The following TAF6L variants were observed in gnomAD, a reference collection of about 807,000 sequenced individuals.
The protein encoded by TAF6L is TAF6-like RNA polymerase II p300/CBP-associated factor-associated factor 65 kDa subunit 6L.
In TAF6L, 34 loss-of-function variants were observed where a neutral mutation model predicts 57.3. That is an observed-to-expected ratio of 0.59 (90% CI 0.45 to 0.79). The LOEUF (loss-of-function observed/expected upper bound fraction) is 0.79. TAF6L is among the 30% of genes least tolerant of loss of function. The pLI is 0.00. For missense variants in TAF6L, 782 were observed against 853.2 expected (o/e 0.92, Z 1.04); for synonymous variants, 417 against 376.3 (o/e 1.11, Z -1.25).
chr11:62,783,310 A>G (rs573704797), intron 9 of TAF6L, among the ~76,000 whole-genome samples: 83 of 152,160 alleles, frequency 5.5e-4, no homozygotes, highest in African/African-American at 1.9e-3. Flanking sequence ...GTGAAACCCC[A>G]TCTCTACTAA....
rs1300765424 is a variant in TAF6L at position 62,775,836 on chromosome 11, G to A, written c.53G>A (p.Arg18Gln). ...GTGGAGATCCCTCGGGAGTCTGTCCGGCTCATGGCGGAGAGCACGGGCCTG... is the reference window on the plus strand; with the variant it reads ...GTGGAGATCCCTCGGGAGTCTGTCCAGCTCATGGCGGAGAGCACGGGCCTG... Reference protein sequence around the residue: ...RFVEIPRESVRLMAESTGLEL... With the variant: ...RFVEIPRESVQLMAESTGLEL... Residue 18 changes from arginine to glutamine, a missense_variant, in exon 2 of 11, where the codon CGG (arginine) becomes CAG (glutamine). Coordinates refer to ENST00000294168, the MANE Select transcript of TAF6L (RefSeq NM_006473.4). The A allele has an allele frequency of 3.1e-6, 5 of 1,613,222 alleles. No homozygotes were observed. The highest frequency in any genetic ancestry group is 4.2e-6 in the Non-Finnish European group (5 of 1,179,932).
intron 3 of TAF6L, 97 bp downstream of exon 3, chr11:62,776,567 G>A (rs2084189732): frequency 1.1e-5 from 14 of 1,254,026 alleles, no homozygotes; most frequent in Admixed American, 3.7e-5. Context: ...AAGACCAAAC[G>A]CTGCCGGGCA....
At chr11:62,776,095 G>T (rs553518735) in intron 2 of TAF6L, among the ~76,000 whole-genome samples, 165 bp downstream of exon 2, 8 of 152,212 alleles carry the variant, frequency 5.3e-5, no homozygotes, top group African/African-American at 1.9e-4. Flanking sequence ...TGGGCTTCCA[G>T]CAGACAAAGC....
intron 9 of TAF6L, among the ~76,000 whole-genome samples, chr11:62,785,789 C>A (rs2084269004): frequency 6.6e-6 from 1 of 152,054 alleles, no homozygotes; most frequent in South Asian, 2.1e-4. Context: ...CTGGCCTCGG[C>A]CTCCCAAAGT....
chr11:62,776,106 G>A (rs1312843705), intron 2 of TAF6L, among the ~76,000 whole-genome samples, 176 bp downstream of exon 2: 5 of 152,216 alleles, frequency 3.3e-5, no homozygotes, highest in African/African-American at 4.8e-5. Flanking sequence ...CAGACAAAGC[G>A]CTTGCCAGGC....
Position 62,786,985 on chromosome 11 carries a change from G to C in TAF6L, c.1558G>C (p.Glu520Gln), listed in dbSNP as rs1565191470. The change falls in exon 11 of 11, where the codon GAG (glutamate) becomes CAG (glutamine). Residue 520 changes from glutamate (E) to glutamine (Q), a missense_variant. Physicochemically the swap from Glu to Gln is conservative, Grantham distance 29. This residue lies in a region of TAF6L where 483 missense variants were observed against 445.1 expected (regional missense o/e 1.09). Transcript: ENST00000294168. ...PASASGPAAS[E>Q]SRPLPRVHRA... ...GTCGGCCTCTGGGCCCGCCGCCTCT[G>C]AGAGCAGGCCCTTGCCGCGCGTGCA... 2 of 1,456,500 alleles carry C rather than the reference G, an allele frequency of 1.4e-6. No individual in the cohort carries two copies. The highest frequency in any genetic ancestry group is 1.8e-6 in the Non-Finnish European group (2 of 1,116,038). The allele number at this position is 1,456,500 out of a possible 1,614,324, so 90.2% of individuals were successfully genotyped here.
At chr11:62,776,016 G>A (rs2084185525) in intron 2 of TAF6L, 86 bp downstream of exon 2, 3 of 1,462,306 alleles carry the variant, frequency 2.1e-6, no homozygotes, top group South Asian at 1.4e-5. Flanking sequence ...TTATTCAAGT[G>A]TACACTGGGT....
At chr11:62,776,736 A>G (rs1321880693) in intron 3 of TAF6L, among the ~76,000 whole-genome samples, 1 of 151,854 alleles carries the variant, frequency 6.6e-6, no homozygotes, top group Non-Finnish European at 1.5e-5. Context: ...CTGTAATCCC[A>G]TCTAGTCAGG....
chr11:62,778,858 T>A lies in TAF6L; in HGVS notation c.437-11T>A, dbSNP rs1373561890. On this transcript the variant is annotated splice_polypyrimidine_tract_variant and intron_variant, in intron 5 of 10. Transcript: ENST00000294168. ...TCCACCTGTCCCTGCTTCCTGCCTG[T>A]CCTCTGGCAGTGCCCAGTGCTGTGT... 1 of 1,613,248 alleles carries A rather than the reference T, an allele frequency of 6.2e-7. No homozygotes were observed. The highest frequency in any genetic ancestry group is 1.1e-5 in the South Asian group (1 of 91,080).
intron 9 of TAF6L, among the ~76,000 whole-genome samples, chr11:62,783,281 A>G (rs1304502051): frequency 2.6e-5 from 4 of 152,070 alleles, no homozygotes; most frequent in Non-Finnish European, 5.9e-5. Context: ...AGGAGATCGA[A>G]ACCATCCTGG....
In TAF6L at chr11:62,786,990, C is replaced by T. The variant is rs1198022136; in HGVS notation, c.1563C>T (p.Ser521=). Reference sequence around the variant, plus strand: ...CCTCTGGGCCCGCCGCCTCTGAGAGCAGGCCCTTGCCGCGCGTGCATCGGG... The same window carrying T: ...CCTCTGGGCCCGCCGCCTCTGAGAGTAGGCCCTTGCCGCGCGTGCATCGGG... ...ASASGPAASE[S]RPLPRVHRAR... The change falls in exon 11 of 11, where the codon AGC becomes AGT. Residue 521 remains serine (S), a synonymous_variant. Transcript: ENST00000294168. The T allele has an allele frequency of 6.8e-7, 1 of 1,475,588 alleles. No individual in the cohort carries two copies. Among genetic ancestry groups the T allele is most frequent in the African/African-American group, 1.5e-5 (1 of 67,744 alleles). The allele number at this position is 1,475,588 out of a possible 1,614,324, so 91.4% of individuals were successfully genotyped here.
intron 7 of TAF6L, 27 bp downstream of exon 7, chr11:62,781,995 AATGTTTT>A: frequency 6.2e-7 from 1 of 1,612,272 alleles, no homozygotes; most frequent in Non-Finnish European, 8.5e-7. Context: ...GGACAGGGAG[AATGTTTT>A]ATAAGGAAGA....
chr11:62,782,388 G>C, intron 8 of TAF6L, 55 bp downstream of exon 8: 1 of 1,572,274 alleles, frequency 6.4e-7, no homozygotes, highest in Non-Finnish European at 8.6e-7. Flanking sequence ...AAGTGGGTTG[G>C]GGTAAGGAAA....
At chr11:62,782,371 C>G in intron 8 of TAF6L, 38 bp downstream of exon 8, 1 of 1,598,276 alleles carries the variant, frequency 6.3e-7, no homozygotes, top group African/African-American at 1.3e-5. Context: ...GGGATTGCTG[C>G]AGAGCCAAGT....
At chr11:62,786,174 T>C in intron 9 of TAF6L, 86 bp from the exon 10 acceptor site, 1 of 1,510,228 alleles carries the variant, frequency 6.6e-7, no homozygotes, top group Non-Finnish European at 9.0e-7. Context: ...GGATCAGAGA[T>C]AAAGGTAGGT....
intron 1 of TAF6L, chr11:62,774,647 T>C (rs1419661595): frequency 2.2e-6 from 1 of 455,124 alleles, no homozygotes; most frequent in East Asian, 7.0e-5. Context: ...TTTTTGTCGG[T>C]TTCTTATTGT....
chr11:62,774,574 C>T, intron 1 of TAF6L: 1 of 454,604 alleles, frequency 2.2e-6, no homozygotes, highest in South Asian at 1.6e-5. Flanking sequence ...GGATGCATCA[C>T]TTTGGCGCAC....
chr11:62,782,197 T>C lies in TAF6L; in HGVS notation c.691T>C (p.Leu231=). ...RSLFRNPHLC[L]GPYVRCLVGS... ...CCTATTTCGTAATCCGCACCTGTGC[T>C]TGGGGCCCTATGTCCGCTGTCTGGT... The change falls in exon 8 of 11, where the codon TTG becomes CTG. Residue 231 remains leucine (L), a synonymous_variant. Transcript: ENST00000294168. The C allele has an allele frequency of 6.2e-7, 1 of 1,614,180 alleles. No homozygotes were observed. Among genetic ancestry groups the C allele is most frequent in the Non-Finnish European group, 8.5e-7 (1 of 1,180,032 alleles).
intron 9 of TAF6L, among the ~76,000 whole-genome samples, chr11:62,785,471 C>T (rs1276900984): frequency 6.6e-6 from 1 of 152,000 alleles, no homozygotes; most frequent in Admixed American, 6.6e-5. Context: ...GGATTACAGG[C>T]GTGAGCCACA....
Sources: gnomAD v4.1 joint callset for allele counts (sites outside exome capture counted in the v4.1 genomes callset) on GRCh38, gnomAD v4.1.1 for gene constraint, gnomAD v4.1.1 regional missense constraint, MANE v1.5 for transcripts, NCBI Gene and HGNC (gene_info 2026-07-23, HGNC 2026-07-21) for gene names.